Variants in BCAS3 observed in about 807,000 individuals in gnomAD.
BCAS3 encodes the protein BCAS3 microtubule associated cell migration factor.
A neutral mutation model predicts 116.1 loss-of-function variants in BCAS3; 53 were observed. The ratio of observed to expected loss-of-function variants is 0.46; its 90% CI spans 0.37 to 0.57. The LOEUF (loss-of-function observed/expected upper bound fraction) is 0.57. Among genes scored for constraint, BCAS3 ranks in the 20% least tolerant of loss-of-function variants. The pLI is 0.00. For missense variants in BCAS3, 917 were observed against 1,165.4 expected (o/e 0.79, Z 3.10); for synonymous variants, 391 against 408.2 (o/e 0.96, Z 0.51).
chr17:61,067,740 A>AAT lies in BCAS3; in HGVS notation c.2030-7164_2030-7163dup, dbSNP rs1334028912. 3.5e-3 allele frequency among the ~76,000 whole-genome samples: 466 copies of AAT among 133,686 alleles called. 3 individuals carry two copies. Among genetic ancestry groups the AAT allele is most frequent in the African/African-American group, 3.9e-3 (117 of 30,254 alleles). The allele number at this position is 133,686 out of a possible 152,430, so 87.7% of individuals were successfully genotyped here. A position where few individuals can be genotyped will look rare whatever the true frequency, so the allele number is the denominator to read the frequency against. On this transcript the variant is annotated intron_variant, in intron 19 of 23. Transcript: ENST00000407086. ...AAACAAACAAACAAAAAAAAAAAAAAATATATATATATATATAGAAACACA... is the reference window on the plus strand; with the variant it reads ...AAACAAACAAACAAAAAAAAAAAAAAATATATATATATATATATAGAAACACA...
At chr17:61,292,691 A>G (rs1299514771) in intron 22 of BCAS3, among the ~76,000 whole-genome samples, 1 of 152,072 alleles carries the variant, frequency 6.6e-6, no homozygotes, top group East Asian at 1.9e-4. Flanking sequence ...GGGGTCCTTT[A>G]TGCTTGGGGG....
At chr17:61,038,076 T>A in intron 18 of BCAS3, 22 bp downstream of exon 18, 1 of 1,599,540 alleles carries the variant, frequency 6.3e-7, no homozygotes, top group Non-Finnish European at 8.5e-7. Flanking sequence ...TTTCTTTTTT[T>A]CTTTTTAACA....
At chr17:60,847,526 C>A (rs2052646639) in intron 7 of BCAS3, among the ~76,000 whole-genome samples, 1 of 152,134 alleles carries the variant, frequency 6.6e-6, no homozygotes, top group Non-Finnish European at 1.5e-5. Context: ...TAAATTATGA[C>A]CAACCTAGTG....
At chr17:61,283,039 A>G (rs1264432718) in intron 22 of BCAS3, among the ~76,000 whole-genome samples, 1 of 151,886 alleles carries the variant, frequency 6.6e-6, no homozygotes, top group African/African-American at 2.4e-5. Flanking sequence ...TATTTAAATA[A>G]TACTATGATG....
At chr17:61,094,232 T>TC (rs1331473025) in intron 22 of BCAS3, among the ~76,000 whole-genome samples, 1 of 152,230 alleles carries the variant, frequency 6.6e-6, no homozygotes, top group Non-Finnish European at 1.5e-5. Flanking sequence ...TAAGTTTTGA[T>TC]CCTTGTGTAA....
At chr17:61,116,719 G>A (rs1393660970) in intron 22 of BCAS3, among the ~76,000 whole-genome samples, 1 of 152,110 alleles carries the variant, frequency 6.6e-6, no homozygotes, top group Non-Finnish European at 1.5e-5. Context: ...AAAATGGTTT[G>A]ATTTCCCCTT....
In BCAS3 at chr17:61,373,734, T is replaced by G. The variant is rs28559726; in HGVS notation, c.2593+5240T>G. ...GGCATGAACCACGATGCCCAGCCCC[T>G]GTTTAAAGTATTCTTGATGCATCTC... On this transcript the variant is annotated intron_variant, in intron 23 of 23. Transcript: ENST00000407086. Among the ~76,000 whole-genome samples, 10 of 141,356 alleles carry G rather than the reference T, an allele frequency of 7.1e-5. No individual in the cohort carries two copies. The East Asian group carries it at 2.2e-3, about 31-fold the overall frequency. 92.7% of individuals were successfully genotyped at this position (141,356 alleles called of 152,430 possible). A position where few individuals can be genotyped will look rare whatever the true frequency, so the allele number is the denominator to read the frequency against.
At chr17:60,725,479 G>T (rs953936611) in intron 5 of BCAS3, among the ~76,000 whole-genome samples, 1 of 152,196 alleles carries the variant, frequency 6.6e-6, no homozygotes, top group Non-Finnish European at 1.5e-5. Context: ...AATAAAGTAA[G>T]ATGTGAGCAT....
chr17:60,880,356 T>C (rs932687395), intron 9 of BCAS3, among the ~76,000 whole-genome samples: 3 of 152,156 alleles, frequency 2.0e-5, no homozygotes, highest in Non-Finnish European at 4.4e-5. Flanking sequence ...TGGCACAGTC[T>C]CGGCTCACTG....
chr17:60,887,684 TA>T (rs34405382), intron 9 of BCAS3, among the ~76,000 whole-genome samples: 16 of 152,188 alleles, frequency 1.1e-4, no homozygotes, highest in African/African-American at 3.9e-4. Context: ...CTGTTTTCTT[TA>T]AAAAAAGGGC....
intron 6 of BCAS3, among the ~76,000 whole-genome samples, chr17:60,789,616 A>G (rs952553964): frequency 3.3e-5 from 5 of 152,204 alleles, no homozygotes; most frequent in Admixed American, 1.3e-4. Flanking sequence ...TTTCATTTCA[A>G]TCATCATGGT....
intron 7 of BCAS3, among the ~76,000 whole-genome samples, chr17:60,824,810 G>T (rs1297090073): frequency 6.6e-6 from 1 of 152,132 alleles, no homozygotes; most frequent in East Asian, 1.9e-4. Flanking sequence ...CCGATGTGTT[G>T]TTTTCTGGAA....
intron 22 of BCAS3, among the ~76,000 whole-genome samples, chr17:61,305,515 C>T (rs762211112): frequency 3.3e-5 from 5 of 152,176 alleles, no homozygotes; most frequent in South Asian, 4.1e-4. Flanking sequence ...TGTGCATAAT[C>T]GTTTACACTG....
At chr17:60,838,496 C>T (rs556065709) in intron 7 of BCAS3, among the ~76,000 whole-genome samples, 18 of 151,588 alleles carry the variant, frequency 1.2e-4, no homozygotes, top group African/African-American at 3.9e-4. Context: ...TACTATAAGA[C>T]CCCCGAGAAA....
At chr17:60,918,268 T>C (rs999649617) in intron 12 of BCAS3, among the ~76,000 whole-genome samples, 4 of 152,228 alleles carry the variant, frequency 2.6e-5, no homozygotes, top group Non-Finnish European at 4.4e-5. Context: ...ATGTTAAGCC[T>C]CTTCTCATTT....
rs1010693376 is a variant in BCAS3, at chr17:61,344,506, G to T, written c.2426-23821G>T. Among the ~76,000 whole-genome samples the T allele has an allele frequency of 3.3e-5, 5 of 152,166 alleles. No homozygotes were observed. The highest frequency in any genetic ancestry group is 1.2e-4 in the African/African-American group (5 of 41,434). On this transcript the variant is annotated intron_variant, in intron 22 of 23. Transcript: ENST00000407086. The surrounding 1 kb of genome is among the most constrained non-coding windows in gnomAD (Gnocchi z 4.1). ...GGGTCCTAAGTTTTGAGGGTACCATGGAGAGCAAAGTAGATGATATCTCTG... is the reference window on the plus strand; with the variant it reads ...GGGTCCTAAGTTTTGAGGGTACCATTGAGAGCAAAGTAGATGATATCTCTG...
At chr17:61,092,530 A>G (rs868189023) in intron 22 of BCAS3, among the ~76,000 whole-genome samples, 27 of 152,260 alleles carry the variant, frequency 1.8e-4, no homozygotes, top group African/African-American at 6.5e-4. Flanking sequence ...ATTCTCATCA[A>G]CACTTGATAT....
At chr17:60,978,440 C>T (rs934837177) in intron 14 of BCAS3, among the ~76,000 whole-genome samples, 1 of 150,062 alleles carries the variant, frequency 6.7e-6, no homozygotes, top group African/African-American at 2.5e-5. Flanking sequence ...AATTTTCTCC[C>T]ATTTTGTAGG....
chr17:60,947,213 T>C lies in BCAS3; in HGVS notation c.1088-6T>C, dbSNP rs1278074300. 1.2e-6 allele frequency: 2 copies of C among 1,608,564 alleles called. No individual in the cohort carries two copies. The highest frequency in any genetic ancestry group is 1.7e-6 in the Non-Finnish European group (2 of 1,176,652). ...TTATTTTTACCCTTTGTTTTTTGTC[T>C]TCCAGGAATGCTTCTAGTCACAACA... On this transcript the variant is annotated splice_region_variant and splice_polypyrimidine_tract_variant and intron_variant, in intron 13 of 23. Transcript: ENST00000407086.
Sources: gnomAD v4.1 joint callset for allele counts (sites outside exome capture counted in the v4.1 genomes callset) on GRCh38, gnomAD v4.1.1 for gene constraint, Gnocchi (gnomAD v3.1) non-coding constraint, MANE v1.5 for transcripts, NCBI Gene and HGNC (gene_info 2026-07-23, HGNC 2026-07-21) for gene names.